Variants in CEP112 observed in about 807,000 individuals in gnomAD.
CEP112 encodes centrosomal protein of 112 kDa.
CEP112 carries 127 observed loss-of-function variants against 153.0 expected under a neutral mutation model. That is an observed-to-expected ratio of 0.83 (90% confidence interval 0.72 to 0.96). The LOEUF (loss-of-function observed/expected upper bound fraction) is 0.96. CEP112 is among the 40% of genes least tolerant of loss of function. The pLI, the probability that CEP112 is intolerant of heterozygous loss-of-function variation, is 0.00. For synonymous variants in CEP112, 358 were observed against 374.4 expected, an observed-to-expected ratio of 0.96 and a Z score of 0.51; for missense variants, 1,089 against 1,101.2, an observed-to-expected ratio of 0.99 and a Z score of 0.16.
At chr17:66,022,030 A>C (rs900403272) in intron 16 of CEP112, among the ~76,000 whole-genome samples, 7 of 152,166 alleles carry the variant, frequency 4.6e-5, no homozygotes, top group African/African-American at 1.4e-4. Flanking sequence ...TAAGATTCCC[A>C]CGCCCCTTGC....
intron 18 of CEP112, among the ~76,000 whole-genome samples, chr17:65,945,898 C>T (rs908133228): frequency 3.3e-5 from 5 of 152,100 alleles, no homozygotes; most frequent in Admixed American, 6.5e-5. Context: ...CTGCCTGCCT[C>T]GGCCTCCCAA....
chr17:66,091,222 C>T (rs1568480238), intron 8 of CEP112, among the ~76,000 whole-genome samples: 1 of 152,080 alleles, frequency 6.6e-6, no homozygotes, highest in Non-Finnish European at 1.5e-5. Flanking sequence ...ATGTACCATT[C>T]AGTGGCCACA....
At chr17:65,757,334 T>C (rs2052349878) in intron 21 of CEP112, among the ~76,000 whole-genome samples, 1 of 152,190 alleles carries the variant, frequency 6.6e-6, no homozygotes, top group Non-Finnish European at 1.5e-5. Flanking sequence ...GATGGGAGCT[T>C]CTGATTGCTC....
intron 8 of CEP112, among the ~76,000 whole-genome samples, chr17:66,075,080 T>TA (rs1291414838): frequency 2.6e-5 from 4 of 152,052 alleles, no homozygotes; most frequent in South Asian, 2.1e-4. Flanking sequence ...TTCTTAAAGA[T>TA]GAAAACTTAG....
intron 24 of CEP112, among the ~76,000 whole-genome samples, chr17:65,672,228 T>C (rs2047021879): frequency 6.6e-6 from 1 of 152,218 alleles, no homozygotes. Context: ...CATCCATCCA[T>C]ATTAGGATAG....
chr17:66,043,688 A>G (rs968811399), intron 12 of CEP112, among the ~76,000 whole-genome samples: 1 of 152,146 alleles, frequency 6.6e-6, no homozygotes, highest in South Asian at 2.1e-4. Context: ...TAATTTTTAT[A>G]TTTACGTTTT....
chr17:66,117,672 G>A (rs534634616), intron 6 of CEP112, among the ~76,000 whole-genome samples: 2 of 152,184 alleles, frequency 1.3e-5, no homozygotes, highest in East Asian at 1.9e-4. Flanking sequence ...CAGATGGGGC[G>A]ACATCAAGCT....
At chr17:65,674,136 G>C (rs777366970) in intron 24 of CEP112, among the ~76,000 whole-genome samples, 1 of 152,194 alleles carries the variant, frequency 6.6e-6, no homozygotes, top group Non-Finnish European at 1.5e-5. Context: ...CTCCCAAAGT[G>C]CTGGGATTAC....
intron 6 of CEP112, among the ~76,000 whole-genome samples, chr17:66,125,360 T>C (rs1213508371): frequency 1.3e-5 from 2 of 151,982 alleles, no homozygotes; most frequent in Non-Finnish European, 2.9e-5. Context: ...TTGCGTAGTA[T>C]GAAATGGACA....
chr17:65,650,895 C>T (rs2143601573), intron 24 of CEP112, among the ~76,000 whole-genome samples: 1 of 151,806 alleles, frequency 6.6e-6, no homozygotes, highest in Admixed American at 6.6e-5. Flanking sequence ...CTCTCTCGCT[C>T]TCTTTTTTTT....
intron 21 of CEP112, among the ~76,000 whole-genome samples, chr17:65,814,891 T>C (rs937662661): frequency 1.4e-4 from 21 of 152,130 alleles, no homozygotes; most frequent in African/African-American, 5.1e-4. Context: ...TAAAAGTATG[T>C]TTTCTTCTTA....
intron 18 of CEP112, among the ~76,000 whole-genome samples, chr17:65,956,064 C>T (rs1030109192): frequency 1.3e-5 from 2 of 152,116 alleles, no homozygotes; most frequent in Non-Finnish European, 2.9e-5. Context: ...TTCAGAAGGA[C>T]ATGGAACATT....
chr17:65,797,057 A>AAACAACAACAACAACAAC (rs112453406), intron 21 of CEP112: 8 of 149,602 alleles, frequency 5.3e-5, no homozygotes, highest in Admixed American at 2.0e-4. Context: ...TCTGTCTCAA[A>AAACAACAACAACAACAAC]AACAACAACA....
intron 18 of CEP112, among the ~76,000 whole-genome samples, chr17:65,946,135 T>C (rs9900527): frequency 0.15 from 23,478 of 152,178 alleles, 2,759 homozygotes; most frequent in African/African-American, 0.33. Context: ...GGAGTGCCCT[T>C]TCACCTTTGT....
At chr17:66,168,483 A>ATG (rs779692202) in intron 4 of CEP112, among the ~76,000 whole-genome samples, 2 of 141,454 alleles carry the variant, frequency 1.4e-5, no homozygotes, top group Non-Finnish European at 3.2e-5. Flanking sequence ...ATATGTATAT[A>ATG]TGTGTGTGTG....
intron 19 of CEP112, chr17:65,913,801 A>G (rs1368784522): frequency 1.6e-5 from 16 of 985,326 alleles, no homozygotes; most frequent in Non-Finnish European, 1.7e-5. Context: ...CTGGAAACAC[A>G]GCTGTGATTA....
chr17:66,099,550 C>G (rs1420345754), intron 6 of CEP112, among the ~76,000 whole-genome samples: 2 of 147,892 alleles, frequency 1.4e-5, no homozygotes, highest in Non-Finnish European at 3.0e-5. Context: ...GCCAGGCTGA[C>G]AACCACAAAA....
chr17:66,155,525 C>T (rs902306148), intron 4 of CEP112, among the ~76,000 whole-genome samples: 7 of 151,570 alleles, frequency 4.6e-5, no homozygotes, highest in Non-Finnish European at 1.0e-4. Context: ...CCCAGTGGCA[C>T]CTGGAATGCC....
chr17:65,978,946 T>C (rs2063129701), intron 17 of CEP112, among the ~76,000 whole-genome samples: 1 of 152,208 alleles, frequency 6.6e-6, no homozygotes, highest in Admixed American at 6.5e-5. Context: ...CTTCACAGAA[T>C]GAAAATTTCC....
Sources: allele counts gnomAD v4.1 joint callset (sites outside exome capture counted in the v4.1 genomes callset), GRCh38; gene constraint gnomAD v4.1.1; transcripts MANE v1.5; gene names NCBI Gene and HGNC (gene_info 2026-07-23, HGNC 2026-07-21).